The following COL26A1 variants were observed in gnomAD, a reference collection of about 807,000 sequenced individuals.
The protein encoded by COL26A1 is collagen alpha-1(XXVI) chain.
Under a neutral mutation model 59.3 loss-of-function variants are expected in COL26A1, and 41 were observed. The ratio of observed to expected loss-of-function variants is 0.69; its 90% CI spans 0.54 to 0.90. The LOEUF is 0.90. Ranked by LOEUF, COL26A1 falls within the 40% of genes least tolerant of loss-of-function variation. COL26A1 has a pLI of 0.00. For missense variants in COL26A1, 612 were observed against 602.3 expected, an observed-to-expected ratio of 1.02 and a Z score of -0.17; for synonymous variants, 266 against 256.0, an observed-to-expected ratio of 1.04 and a Z score of -0.37.
rs777125154 is a variant in COL26A1, at chr7:101,403,833, C to T, written c.159-16144C>T. On this transcript the variant is annotated intron_variant, in intron 1 of 12. Transcript: ENST00000313669. ...GATCCAGGCCGGGCACGGTGGCTCA[C>T]GCCTGTAATCCCAGCACTTTGGGAA... Among the ~76,000 whole-genome samples the T allele has an allele frequency of 8.6e-4, 131 of 152,226 alleles. 1 individual carries two copies. Among genetic ancestry groups the T allele is most frequent in the African/African-American group, 6.7e-4 (28 of 41,548 alleles).
chr7:101,473,102 C>T (rs777277706), intron 3 of COL26A1, among the ~76,000 whole-genome samples: 5 of 150,024 alleles, frequency 3.3e-5, no homozygotes, highest in South Asian at 2.1e-4. Flanking sequence ...TTTTTTGACA[C>T]GGAGTCTCAC....
chr7:101,417,468 T>G (rs1792398014), intron 1 of COL26A1, among the ~76,000 whole-genome samples: 1 of 150,480 alleles, frequency 6.6e-6, no homozygotes, highest in African/African-American at 2.4e-5. Flanking sequence ...CATACCTACC[T>G]TAGGACAGGT....
chr7:101,533,171 G>T, intron 4 of COL26A1, 28 bp downstream of exon 4: 1 of 1,565,270 alleles, frequency 6.4e-7, no homozygotes. Context: ...GTCTGGGCCT[G>T]GGGAGCTGCC....
chr7:101,462,568 C>T (rs1273685967), intron 3 of COL26A1, among the ~76,000 whole-genome samples: 1 of 151,100 alleles, frequency 6.6e-6, no homozygotes, highest in Non-Finnish European at 1.5e-5. Context: ...CTGCCTGCCT[C>T]AGCCTCCCAA....
intron 3 of COL26A1, among the ~76,000 whole-genome samples, chr7:101,458,471 A>G (rs1793529529): frequency 7.2e-6 from 1 of 139,540 alleles, no homozygotes; most frequent in East Asian, 1.9e-4. Context: ...CCTCGTCTCT[A>G]CTAAAAATCC....
chr7:101,383,068 C>A (rs1791484778), intron 1 of COL26A1, among the ~76,000 whole-genome samples: 1 of 152,052 alleles, frequency 6.6e-6, no homozygotes. Flanking sequence ...GAAAGAATTA[C>A]ATGCTTATAA....
At chr7:101,435,829 G>A (rs2130338090) in intron 2 of COL26A1, among the ~76,000 whole-genome samples, 1 of 152,278 alleles carries the variant, frequency 6.6e-6, no homozygotes, top group East Asian at 1.9e-4. Flanking sequence ...CAGATGTGCT[G>A]AGCAGAGGGA....
intron 1 of COL26A1, among the ~76,000 whole-genome samples, chr7:101,399,103 C>A (rs760396051): frequency 1.3e-5 from 2 of 151,252 alleles, no homozygotes; most frequent in Non-Finnish European, 3.0e-5. Context: ...CCAGGAGCTT[C>A]AGACCAACCT....
intron 7 of COL26A1, 70 bp downstream of exon 7, chr7:101,545,560 T>G (rs1795719240): frequency 1.3e-6 from 2 of 1,496,238 alleles, no homozygotes; most frequent in East Asian, 5.1e-5. Context: ...TCAGCCTTCC[T>G]TAAAGGATCC....
intron 3 of COL26A1, among the ~76,000 whole-genome samples, chr7:101,470,693 C>G (rs1471307374): frequency 6.6e-6 from 1 of 151,996 alleles, no homozygotes; most frequent in African/African-American, 2.4e-5. Flanking sequence ...AGGTGCTTAC[C>G]AACCTGGAAG....
At chr7:101,463,771 T>TTCTTTCTTACTTTCTCTC (rs1793678785) in intron 3 of COL26A1, among the ~76,000 whole-genome samples, 1 of 81,700 alleles carries the variant, frequency 1.2e-5, no homozygotes, top group Non-Finnish European at 2.2e-5. Context: ...TTTTCCTTCC[T>TTCTTTCTTACTTTCTCTC]TCTTTCTTTC....
At chr7:101,440,340 G>A (rs949948153) in intron 2 of COL26A1, among the ~76,000 whole-genome samples, 3 of 152,100 alleles carry the variant, frequency 2.0e-5, no homozygotes, top group East Asian at 1.9e-4. Context: ...CACTCCAGCC[G>A]GGGCAACAGA....
intron 1 of COL26A1, among the ~76,000 whole-genome samples, chr7:101,408,794 A>C (rs1285527413): frequency 6.6e-6 from 1 of 152,102 alleles, no homozygotes; most frequent in Non-Finnish European, 1.5e-5. Context: ...GGCTGTGCAG[A>C]TCTAGCTTGG....
Position 101,551,290 on chromosome 7 carries a change from A to G in COL26A1, c.1029+147A>G, listed in dbSNP as rs1337171972. ...TCAGGCAACAGGGAGGGACTGAGAA[A>G]GGACTCAAATCGCCTCCTGCTGCGG... On this transcript the variant is annotated intron_variant, in intron 10 of 12. Coordinates refer to ENST00000313669, the MANE Select transcript of COL26A1 (RefSeq NM_001278563.3). 7 of 876,676 alleles carry G rather than the reference A, an allele frequency of 8.0e-6. No homozygotes were observed. In the Admixed American group the frequency reaches 1.3e-4, roughly 17 times the overall value. The allele number at this position is 876,676 out of a possible 1,614,324, so 54.3% of individuals were successfully genotyped here.
chr7:101,542,584 C>A (rs1227847989), intron 5 of COL26A1, among the ~76,000 whole-genome samples: 1 of 152,170 alleles, frequency 6.6e-6, no homozygotes, highest in Non-Finnish European at 1.5e-5. Context: ...TCTCCCTCTG[C>A]CCTCTGTTCT....
intron 5 of COL26A1, among the ~76,000 whole-genome samples, chr7:101,543,507 C>A (rs76983442): frequency 6.6e-6 from 1 of 152,060 alleles, no homozygotes; most frequent in African/African-American, 2.4e-5. Context: ...ACACAGCAAG[C>A]CTTACCTCTC....
intron 3 of COL26A1, among the ~76,000 whole-genome samples, chr7:101,511,706 G>A (rs1213376245): frequency 6.6e-6 from 1 of 152,202 alleles, no homozygotes; most frequent in Non-Finnish European, 1.5e-5. Context: ...TTCCCCACAG[G>A]CCAACAAAAG....
chr7:101,535,853 G>C (rs1218592075), intron 4 of COL26A1, among the ~76,000 whole-genome samples: 1 of 152,164 alleles, frequency 6.6e-6, no homozygotes, highest in Non-Finnish European at 1.5e-5. Context: ...TTGGTAGCTT[G>C]GGCCTGGAGT....
chr7:101,478,328 C>T (rs920113913), intron 3 of COL26A1, among the ~76,000 whole-genome samples: 18 of 152,176 alleles, frequency 1.2e-4, no homozygotes, highest in African/African-American at 3.9e-4. Context: ...ACTTGAGGTG[C>T]GGTTTCGGGA....
Sources: allele counts gnomAD v4.1 joint callset (sites outside exome capture counted in the v4.1 genomes callset), GRCh38; gene constraint gnomAD v4.1.1; transcripts MANE v1.5; gene names NCBI Gene and HGNC (gene_info 2026-07-23, HGNC 2026-07-21).